NECAB2: variants seen among roughly 807,000 people sequenced by gnomAD.
The protein encoded by NECAB2 is N-terminal EF-hand calcium binding protein 2.
A neutral mutation model predicts 51.9 loss-of-function variants in NECAB2; 68 were observed. The observed-to-expected ratio is 1.31, with a 90% CI of 1.08 to 1.60. NECAB2 has a LOEUF of 1.60. NECAB2 is among the 40% of genes most tolerant of loss of function. The pLI is 0.00. For synonymous variants in NECAB2, 329 were observed against 203.5 expected, an observed-to-expected ratio of 1.62 and a Z score of -5.25; for missense variants, 854 against 490.3, an observed-to-expected ratio of 1.74 and a Z score of -7.00.
intron 11 of NECAB2, among the ~76,000 whole-genome samples, chr16:84,001,227 T>G (rs1179423893): frequency 6.6e-6 from 1 of 151,586 alleles, no homozygotes; most frequent in Non-Finnish European, 1.5e-5. Flanking sequence ...TGGGGTAGGG[T>G]GTCAGCAGCT....
chr16:83,981,344 C>T (rs28635064), intron 5 of NECAB2, among the ~76,000 whole-genome samples: 225 of 152,102 alleles, frequency 1.5e-3, no homozygotes, highest in African/African-American at 4.8e-3. Flanking sequence ...GGCATTTTCC[C>T]GGAATCAGGC....
chr16:83,969,488 C>A (rs1325064092), intron 1 of NECAB2, among the ~76,000 whole-genome samples: 1 of 152,006 alleles, frequency 6.6e-6, no homozygotes, highest in East Asian at 1.9e-4. Flanking sequence ...CGCCCCCTTC[C>A]ATTCCAAGTC....
intron 10 of NECAB2, among the ~76,000 whole-genome samples, chr16:83,998,906 T>TGTGGCC (rs2084764391): frequency 6.6e-6 from 1 of 152,196 alleles, no homozygotes. Context: ...AGCTAAGGCA[T>TGTGGCC]GTGGCCAGGG....
chr16:83,970,731 C>A (rs1322501149), intron 1 of NECAB2, among the ~76,000 whole-genome samples: 1 of 152,190 alleles, frequency 6.6e-6, no homozygotes, highest in African/African-American at 2.4e-5. Flanking sequence ...CAGTACCCTC[C>A]TTGTTAAAAC....
At chr16:83,976,103 C>A (rs79518441) in intron 2 of NECAB2, among the ~76,000 whole-genome samples, 3 of 152,146 alleles carry the variant, frequency 2.0e-5, no homozygotes, top group African/African-American at 7.2e-5. Context: ...TGGACAGGCA[C>A]GTGGGGAGAT....
At chr16:83,974,220 A>T (rs1396374430) in intron 2 of NECAB2, among the ~76,000 whole-genome samples, 2 of 152,158 alleles carry the variant, frequency 1.3e-5, no homozygotes, top group Non-Finnish European at 2.9e-5. Context: ...CAGGTCCCCC[A>T]GCCTGACTGC....
At chr16:84,000,484 A>C (rs1026865578) in intron 10 of NECAB2, among the ~76,000 whole-genome samples, 3 of 151,574 alleles carry the variant, frequency 2.0e-5, no homozygotes, top group Non-Finnish European at 4.4e-5. Flanking sequence ...CCCTATCTCA[A>C]AAGAAAAACT....
intron 10 of NECAB2, 125 bp from the exon 11 acceptor site, chr16:84,000,599 A>G (rs959782198): frequency 2.9e-6 from 2 of 700,538 alleles, no homozygotes; most frequent in African/African-American, 3.5e-5. Flanking sequence ...GGAGGTCAAG[A>G]CAGGAAGAAA....
At chr16:83,970,419 G>T (rs2084335396) in intron 1 of NECAB2, among the ~76,000 whole-genome samples, 1 of 152,174 alleles carries the variant, frequency 6.6e-6, no homozygotes, top group African/African-American at 2.4e-5. Flanking sequence ...GCCCAGGCTG[G>T]ATCTTTGAGG....
upstream of NECAB2, chr16:83,965,518 C>T: frequency 1.2e-6 from 2 of 1,612,358 alleles, no homozygotes; most frequent in South Asian, 1.1e-5. Flanking sequence ...TCCATGCCTT[C>T]CGCCGGGCCG....
At chr16:83,999,298 G>C (rs1249768876) in intron 10 of NECAB2, among the ~76,000 whole-genome samples, 2 of 152,172 alleles carry the variant, frequency 1.3e-5, no homozygotes, top group East Asian at 1.9e-4. Context: ...CACTCCAGGA[G>C]GACAGACTGC....
Position 83,994,307 on chromosome 16 carries a change from A to T in NECAB2, c.602A>T (p.Asn201Ile). 6.2e-7 allele frequency: 1 copy of T among 1,614,192 alleles called. No individual in the cohort carries two copies. Among genetic ancestry groups the T allele is most frequent in the Non-Finnish European group, 8.5e-7 (1 of 1,180,022 alleles). The stretch of plus-strand genomic sequence containing the variant: ...TGTTCCCATCCAAACTGCAGACAGA[A>T]CCACATCAAACCCAGCCACAGCGCG... ...IEEQTSQLRQNHIKPSHSAAQ... is the reference protein window; with the variant it reads ...IEEQTSQLRQIHIKPSHSAAQ... The change falls in exon 7 of 13, where the codon AAC becomes ATC. Residue 201 changes from asparagine to isoleucine, a missense_variant. Coordinates refer to ENST00000305202, the MANE Select transcript of NECAB2 (RefSeq NM_019065.3).
chr16:83,972,425 T>C (rs978803668), intron 2 of NECAB2, among the ~76,000 whole-genome samples: 108 of 152,348 alleles, frequency 7.1e-4, no homozygotes, highest in African/African-American at 2.5e-3. Flanking sequence ...TTGTCTGTGA[T>C]GCCAAGAACA....
At chr16:83,998,365 C>A in intron 10 of NECAB2, 48 bp downstream of exon 10, 2 of 1,569,610 alleles carry the variant, frequency 1.3e-6, no homozygotes, top group Non-Finnish European at 1.7e-6. Flanking sequence ...GGGAGCTCTG[C>A]CTGGCAGTGG....
intron 11 of NECAB2, 32 bp downstream of exon 11, chr16:84,000,833 G>GAGAC (rs780367817): frequency 3.6e-6 from 5 of 1,399,968 alleles, no homozygotes; most frequent in Non-Finnish European, 2.0e-6. Context: ...GCAGGTGAGG[G>GAGAC]AGACAGAGGG....
At chr16:83,994,496 C>A in intron 7 of NECAB2, 76 bp downstream of exon 7, 3 of 1,594,384 alleles carry the variant, frequency 1.9e-6, no homozygotes, top group Non-Finnish European at 2.6e-6. Flanking sequence ...CTGACAGGGA[C>A]TGGGGAGATG....
intron 1 of NECAB2, 115 bp from the exon 2 acceptor site, chr16:83,972,036 C>T (rs2084354579): frequency 6.9e-7 from 1 of 1,440,092 alleles, no homozygotes; most frequent in African/African-American, 1.4e-5. Context: ...GCTCAGCTTC[C>T]CAGGACCCTA....
chr16:83,995,567 A>T (rs1254571227), intron 8 of NECAB2, among the ~76,000 whole-genome samples: 5 of 152,210 alleles, frequency 3.3e-5, no homozygotes, highest in Non-Finnish European at 7.3e-5. Flanking sequence ...CACACAGCAC[A>T]CCCGTATACC....
chr16:84,002,177 C>T lies in NECAB2; in HGVS notation c.1133-141C>T, dbSNP rs753807251. On this transcript the variant is annotated intron_variant, in intron 12 of 12. Coordinates refer to ENST00000305202, the MANE Select transcript of NECAB2 (RefSeq NM_019065.3). ...TTTCCCTTCCCAGGTGTGTGGTTTG[C>T]ACCTGGGTGACCAGCAAGGACCTGT... The T allele has an allele frequency of 9.1e-4, 1,063 of 1,163,620 alleles. 2 individuals are homozygous for T. The highest frequency in any genetic ancestry group is 1.3e-3 in the Non-Finnish European group (1,005 of 783,844). The allele number at this position is 1,163,620 out of a possible 1,614,324, so 72.1% of individuals were successfully genotyped here. A position where few individuals can be genotyped will look rare whatever the true frequency, so the allele number is the denominator to read the frequency against.
Sources: allele counts gnomAD v4.1 joint callset (sites outside exome capture counted in the v4.1 genomes callset), GRCh38; gene constraint gnomAD v4.1.1; transcripts MANE v1.5; gene names NCBI Gene and HGNC (gene_info 2026-07-23, HGNC 2026-07-21).